The following CHST11 variants were observed in gnomAD, a reference collection of about 807,000 sequenced individuals.
The protein encoded by CHST11 is carbohydrate sulfotransferase 11.
Under a neutral mutation model 30.4 loss-of-function variants are expected in CHST11, and 9 were observed. The observed-to-expected ratio is 0.30, with a 90% CI of 0.18 to 0.52. The LOEUF is 0.52. Ranked by LOEUF, CHST11 falls within the 20% of genes least tolerant of loss-of-function variation. CHST11 has a pLI of 0.97. For missense variants in CHST11, 348 were observed against 460.6 expected (o/e 0.76, Z 2.24); for synonymous variants, 152 against 187.8 (o/e 0.81, Z 1.56).
At chr12:104,694,088 C>G (rs1592842799) in intron 2 of CHST11, among the ~76,000 whole-genome samples, 1 of 152,198 alleles carries the variant, frequency 6.6e-6, no homozygotes, top group Non-Finnish European at 1.5e-5. Context: ...GCACATTTAT[C>G]TCAAAGTTTG....
At chr12:104,591,687 TG>T (rs1358967442) in intron 1 of CHST11, 1 of 151,956 alleles carries the variant, frequency 6.6e-6, no homozygotes, top group African/African-American at 2.4e-5. Context: ...AGCACACCTG[TG>T]GGACTTCTGG....
chr12:104,537,857 G>A (rs1435822962), intron 1 of CHST11, among the ~76,000 whole-genome samples: 3 of 151,720 alleles, frequency 2.0e-5, no homozygotes, highest in South Asian at 2.1e-4. Flanking sequence ...CACCATGCCC[G>A]GCTAACTTTT....
chr12:104,751,166 G>T (rs548314492), intron 2 of CHST11, among the ~76,000 whole-genome samples: 22 of 152,310 alleles, frequency 1.4e-4, no homozygotes, highest in African/African-American at 5.1e-4. Context: ...TGCCTTTGTG[G>T]TCCTGAATGC....
intron 2 of CHST11, among the ~76,000 whole-genome samples, chr12:104,612,813 A>G (rs1042927368): frequency 4.6e-5 from 7 of 152,236 alleles, no homozygotes; most frequent in African/African-American, 1.7e-4. Context: ...CAGAACTACC[A>G]TATGATCCAG....
At chr12:104,554,022 A>G (rs891993478) in intron 1 of CHST11, among the ~76,000 whole-genome samples, 1 of 152,136 alleles carries the variant, frequency 6.6e-6, no homozygotes. Flanking sequence ...GATTCTTGCC[A>G]TGTTGGTGTC....
At chr12:104,510,304 G>A (rs1459040272) in intron 1 of CHST11, among the ~76,000 whole-genome samples, 2 of 152,018 alleles carry the variant, frequency 1.3e-5, no homozygotes, top group Admixed American at 1.3e-4. Context: ...TGCAATATTG[G>A]CTCTAGACTG....
intron 1 of CHST11, among the ~76,000 whole-genome samples, chr12:104,549,102 A>C (rs932081194): frequency 6.6e-6 from 1 of 152,218 alleles, no homozygotes; most frequent in African/African-American, 2.4e-5. Context: ...TCAAAATATG[A>C]TTGCGGTAAA....
chr12:104,523,214 A>G (rs2038090394), intron 1 of CHST11, among the ~76,000 whole-genome samples: 1 of 152,158 alleles, frequency 6.6e-6, no homozygotes, highest in African/African-American at 2.4e-5. Flanking sequence ...TGAGTTTCCT[A>G]TCTGTTTCCA....
chr12:104,672,509 C>T (rs779832070), intron 2 of CHST11, among the ~76,000 whole-genome samples: 1 of 152,340 alleles, frequency 6.6e-6, no homozygotes, highest in East Asian at 1.9e-4. Context: ...TGCCTTGTGG[C>T]CATTGATTCC....
chr12:104,746,118 C>A (rs1300825690), intron 2 of CHST11, among the ~76,000 whole-genome samples: 1 of 152,298 alleles, frequency 6.6e-6, no homozygotes, highest in East Asian at 1.9e-4. Flanking sequence ...TCTCGAAAGA[C>A]CAGGTCCTCA....
At chr12:104,738,430 G>C (rs779599831) in intron 2 of CHST11, among the ~76,000 whole-genome samples, 9 of 152,218 alleles carry the variant, frequency 5.9e-5, no homozygotes, top group Non-Finnish European at 1.3e-4. Context: ...GCTCTCCCAA[G>C]CTGGAACGGC....
chr12:104,489,803 G>A (rs1204339374), intron 1 of CHST11, among the ~76,000 whole-genome samples: 1 of 152,188 alleles, frequency 6.6e-6, no homozygotes, highest in Non-Finnish European at 1.5e-5. Flanking sequence ...GGGAGGGGAG[G>A]ACACAATTCA....
chr12:104,583,247 TGTGA>T (rs2038765935), intron 1 of CHST11, among the ~76,000 whole-genome samples: 1 of 152,180 alleles, frequency 6.6e-6, no homozygotes, highest in African/African-American at 2.4e-5. Context: ...TCCTTAAAAT[TGTGA>T]GTGTTTCCCT....
chr12:104,557,437 A>G (rs2038468190), intron 1 of CHST11, among the ~76,000 whole-genome samples: 1 of 151,746 alleles, frequency 6.6e-6, no homozygotes, highest in Admixed American at 6.6e-5. Context: ...GGAGGTGTGT[A>G]TGGTCAGAGT....
intron 1 of CHST11, among the ~76,000 whole-genome samples, chr12:104,583,233 A>G (rs1208132509): frequency 6.6e-6 from 1 of 151,214 alleles, no homozygotes; most frequent in African/African-American, 2.4e-5. Flanking sequence ...TTAAGATGAA[A>G]CCCTCCTTAA....
intron 2 of CHST11, 142 bp from the exon 3 acceptor site, chr12:104,756,807 A>G (rs1249542806): frequency 1.0e-6 from 1 of 974,006 alleles, no homozygotes; most frequent in African/African-American, 1.6e-5. Flanking sequence ...TCAGCTTCCC[A>G]GAGTGCTGGG....
Position 104,600,723 on chromosome 12 carries a change from A to G in CHST11, c.119-1183A>G, listed in dbSNP as rs1040750790. 5.9e-5 allele frequency among the ~76,000 whole-genome samples: 9 copies of G among 152,072 alleles called. No individual in the cohort carries two copies. The highest frequency in any genetic ancestry group is 7.4e-5 in the Non-Finnish European group (5 of 68,012). On this transcript the variant is annotated intron_variant, in intron 1 of 2. Coordinates refer to ENST00000303694, the MANE Select transcript of CHST11 (RefSeq NM_018413.6). This position sits in a 1 kb window ranked among gnomAD's most constrained non-coding sequence, Gnocchi z 4.1. ...TTCATTGCCTCTGTGGAGCAGGTGA[A>G]TTCTTTAGGCTCATGAAAGGATCTA...
At chr12:104,735,930 C>A (rs2040296688) in intron 2 of CHST11, among the ~76,000 whole-genome samples, 1 of 152,156 alleles carries the variant, frequency 6.6e-6, no homozygotes, top group Admixed American at 6.5e-5. Flanking sequence ...TTGTCAGCAG[C>A]AGTCGAGGCT....
At chr12:104,724,441 T>C (rs1313976720) in intron 2 of CHST11, among the ~76,000 whole-genome samples, 2 of 152,012 alleles carry the variant, frequency 1.3e-5, no homozygotes, top group Non-Finnish European at 2.9e-5. Flanking sequence ...AAGGAGAAGA[T>C]GGTACATTTT....
Sources: gnomAD v4.1 joint callset for allele counts (sites outside exome capture counted in the v4.1 genomes callset) on GRCh38, gnomAD v4.1.1 for gene constraint, Gnocchi (gnomAD v3.1) non-coding constraint, MANE v1.5 for transcripts, NCBI Gene and HGNC (gene_info 2026-07-23, HGNC 2026-07-21) for gene names.